LARGE1: variants seen among roughly 807,000 people sequenced by gnomAD.
The protein encoded by LARGE1 is LARGE xylosyl- and glucuronyltransferase 1.
In LARGE1, 43 loss-of-function variants were observed where a neutral mutation model predicts 87.6. That is an observed-to-expected ratio of 0.49 (90% CI 0.38 to 0.63). The LOEUF (loss-of-function observed/expected upper bound fraction) is 0.63, where lower values mean the gene tolerates loss of function less well. Among genes scored for constraint, LARGE1 ranks in the 30% least tolerant of loss-of-function variants. LARGE1 has a pLI of 0.00. For synonymous variants in LARGE1, 434 were observed against 394.6 expected, an observed-to-expected ratio of 1.10 and a Z score of -1.18; for missense variants, 802 against 1,000.2, an observed-to-expected ratio of 0.80 and a Z score of 2.67.
At chr22:33,409,304 A>G (rs370561112) in intron 7 of LARGE1, among the ~76,000 whole-genome samples, 1 of 147,968 alleles carries the variant, frequency 6.8e-6, no homozygotes, top group Admixed American at 6.7e-5. Context: ...GAGGAGGAGG[A>G]GGCTGGTCTC....
chr22:33,700,646 C>T (rs1216693755), intron 2 of LARGE1, among the ~76,000 whole-genome samples: 1 of 152,166 alleles, frequency 6.6e-6, no homozygotes, highest in Admixed American at 6.5e-5. Context: ...TGGAGAGGCA[C>T]AGTCCCTCTC....
intron 2 of LARGE1, among the ~76,000 whole-genome samples, chr22:33,710,285 G>GT (rs1175719971): frequency 6.6e-6 from 1 of 152,148 alleles, no homozygotes; most frequent in Non-Finnish European, 1.5e-5. Flanking sequence ...CTGGGGAAAG[G>GT]TTTTAAAGAC....
intron 1 of LARGE1, among the ~76,000 whole-genome samples, chr22:33,798,592 G>C (rs904331112): frequency 6.6e-6 from 1 of 152,074 alleles, no homozygotes. Context: ...TTCGCAACAG[G>C]AGTGTTCCAC....
At chr22:33,855,062 C>T (rs906858797) in intron 1 of LARGE1, among the ~76,000 whole-genome samples, 4 of 152,194 alleles carry the variant, frequency 2.6e-5, no homozygotes, top group East Asian at 3.9e-4. Flanking sequence ...AGGCTGGGCA[C>T]GGTGGCTCAC....
chr22:33,482,816 T>G (rs1275590430), intron 6 of LARGE1, among the ~76,000 whole-genome samples: 1 of 152,194 alleles, frequency 6.6e-6, no homozygotes, highest in East Asian at 1.9e-4. Flanking sequence ...AAGACTCTTG[T>G]CCCTATTGAG....
chr22:33,754,016 T>A (rs1340296905), intron 2 of LARGE1, among the ~76,000 whole-genome samples: 4 of 151,996 alleles, frequency 2.6e-5, no homozygotes, highest in African/African-American at 9.7e-5. Context: ...GAGCTGAGAT[T>A]GCGCCACTGC....
At chr22:33,150,883 AT>A in the LARGE1 span, among the ~76,000 whole-genome samples, 1 of 152,014 alleles carries the variant, frequency 6.6e-6, no homozygotes, top group Admixed American at 6.5e-5. Flanking sequence ...CTGTAGTGTG[AT>A]TCATCCGCTT....
intron 1 of LARGE1, among the ~76,000 whole-genome samples, chr22:33,782,774 AG>A (rs2085464360): frequency 6.6e-6 from 1 of 152,096 alleles, no homozygotes; most frequent in Admixed American, 6.5e-5. Flanking sequence ...CTGAGGCAGA[AG>A]AATCACTTGA....
chr22:33,848,527 C>A (rs2063495953), intron 1 of LARGE1, among the ~76,000 whole-genome samples: 1 of 152,066 alleles, frequency 6.6e-6, no homozygotes, highest in Admixed American at 6.6e-5. Flanking sequence ...ACACCAGGAG[C>A]CCACCCCAGC....
chr22:33,682,047 T>C lies in LARGE1; in HGVS notation c.107-31379A>G, dbSNP rs567828907. 3.9e-5 allele frequency among the ~76,000 whole-genome samples: 6 copies of C among 152,344 alleles called. No homozygotes were observed. The South Asian group carries it at 8.3e-4, about 21-fold the overall frequency. ...GGTGCTCTCTGGCTGGAAAGAAATA[T>C]GAGCCATGGTGTGGTGCGTGGACAC... On this transcript the variant is annotated intron_variant, in intron 2 of 14. Transcript: ENST00000397394.
intron 11 of LARGE1, chr22:33,221,818 G>A (rs1441941199): frequency 6.6e-6 from 1 of 152,174 alleles, no homozygotes; most frequent in Non-Finnish European, 1.5e-5. Context: ...CACCAAATAG[G>A]AACCAGCCCC....
At chr22:33,905,535 G>C (rs2065420298) in intron 1 of LARGE1, among the ~76,000 whole-genome samples, 1 of 152,092 alleles carries the variant, frequency 6.6e-6, no homozygotes, top group East Asian at 1.9e-4. Flanking sequence ...ATGGAATCTA[G>C]CAATCTGATA....
At chr22:33,238,456 CA>C (rs780490255) in intron 11 of LARGE1, among the ~76,000 whole-genome samples, 20 of 151,950 alleles carry the variant, frequency 1.3e-4, no homozygotes, top group Non-Finnish European at 2.2e-4. Flanking sequence ...TTTAGTATAC[CA>C]AATATTAGTG....
intron 1 of LARGE1, among the ~76,000 whole-genome samples, chr22:33,834,035 A>T (rs1348061552): frequency 1.3e-5 from 2 of 152,216 alleles, no homozygotes; most frequent in African/African-American, 2.4e-5. Context: ...GAAGCTGAAT[A>T]ACTTACTGGA....
rs1351030957 is a variant in LARGE1, at chr22:33,512,581, T to C, written c.787+52267A>G. ...ACTTTGGGAGGCCGAGGCAGGAAGATCACCTGAGGTCAGGAGTTCGAGACC... is the reference window on the plus strand; with the variant it reads ...ACTTTGGGAGGCCGAGGCAGGAAGACCACCTGAGGTCAGGAGTTCGAGACC... On this transcript the variant is annotated intron_variant, in intron 6 of 14. Coordinates refer to ENST00000397394, the MANE Select transcript of LARGE1 (RefSeq NM_133642.5). 3.9e-5 allele frequency among the ~76,000 whole-genome samples: 6 copies of C among 152,180 alleles called. No homozygotes were observed. In the East Asian group the frequency reaches 5.8e-4, roughly 15 times the overall value.
intron 2 of LARGE1, among the ~76,000 whole-genome samples, chr22:33,706,791 G>A (rs1449108495): frequency 1.3e-5 from 2 of 152,176 alleles, no homozygotes; most frequent in Non-Finnish European, 2.9e-5. Context: ...TCTGCCCTCA[G>A]GCAGGTACAA....
intron 6 of LARGE1, among the ~76,000 whole-genome samples, chr22:33,465,264 C>T (rs1212049692): frequency 4.6e-5 from 7 of 152,134 alleles, no homozygotes; most frequent in African/African-American, 1.7e-4. Flanking sequence ...ATACATATTG[C>T]TTGTGATCGT....
chr22:33,115,765 C>T, the LARGE1 span, among the ~76,000 whole-genome samples: 1 of 133,450 alleles, frequency 7.5e-6, no homozygotes, highest in South Asian at 2.4e-4. Flanking sequence ...TGCAGTGAGC[C>T]AACATTGCAC....
chr22:33,206,040 C>T (rs538919983), intron 11 of LARGE1, among the ~76,000 whole-genome samples: 80 of 148,478 alleles, frequency 5.4e-4, no homozygotes, highest in African/African-American at 1.9e-3. Flanking sequence ...CTGCAAGCTC[C>T]GCCTCCCCGG....
Sources: allele counts gnomAD v4.1 joint callset (sites outside exome capture counted in the v4.1 genomes callset), GRCh38; gene constraint gnomAD v4.1.1; transcripts MANE v1.5; gene names NCBI Gene and HGNC (gene_info 2026-07-23, HGNC 2026-07-21).